Variants in ZFYVE28 observed in about 807,000 individuals in gnomAD.
The protein encoded by ZFYVE28 is zinc finger FYVE-type containing 28, also known as lateral signaling target protein 2 homolog.
In ZFYVE28, 40 loss-of-function variants were observed where a neutral mutation model predicts 82.1. The ratio of observed to expected loss-of-function variants is 0.49; its 90% CI spans 0.38 to 0.63. ZFYVE28 has a LOEUF of 0.63. Among genes scored for constraint, ZFYVE28 ranks in the 30% least tolerant of loss-of-function variants. ZFYVE28 has a pLI of 0.00. For synonymous variants in ZFYVE28, 612 were observed against 546.1 expected, an observed-to-expected ratio of 1.12 and a Z score of -1.68; for missense variants, 1,321 against 1,242.1, an observed-to-expected ratio of 1.06 and a Z score of -0.96.
Position 2,416,971 on chromosome 4 carries a change from C to A in ZFYVE28, c.39+1314G>T, listed in dbSNP as rs1166123916. 3.9e-5 allele frequency among the ~76,000 whole-genome samples: 6 copies of A among 152,378 alleles called. No homozygotes were observed. The highest frequency in any genetic ancestry group is 1.2e-4 in the African/African-American group (5 of 41,598). On this transcript the variant is annotated intron_variant, in intron 1 of 12. Transcript: ENST00000290974. This position sits in a 1 kb window ranked among gnomAD's most constrained non-coding sequence, Gnocchi z 4.6. ...TGAGCCCTCAAACCTCCGTGCCGAT[C>A]TTCCAAACCCACCTCCCGCCTTCCT... is the stretch of plus-strand genomic sequence containing the variant.
intron 7 of ZFYVE28, among the ~76,000 whole-genome samples, chr4:2,313,784 G>T (rs921794185): frequency 1.5e-4 from 22 of 151,338 alleles, no homozygotes; most frequent in Admixed American, 1.4e-3. Flanking sequence ...GCAATTCAGA[G>T]GTTGCAATGA....
chr4:2,292,400 G>C (rs1713864855), intron 8 of ZFYVE28, among the ~76,000 whole-genome samples: 1 of 152,198 alleles, frequency 6.6e-6, no homozygotes, highest in Admixed American at 6.5e-5. Context: ...GGGGCAGACA[G>C]GGACAGGAAT....
chr4:2,323,910 A>G (rs928689289), intron 6 of ZFYVE28, among the ~76,000 whole-genome samples: 3 of 152,042 alleles, frequency 2.0e-5, no homozygotes, highest in African/African-American at 7.2e-5. Context: ...TCCATGGTGT[A>G]TATGTGCCAC....
intron 1 of ZFYVE28, among the ~76,000 whole-genome samples, chr4:2,382,746 A>G (rs1728853734): frequency 1.3e-5 from 2 of 151,996 alleles, no homozygotes; most frequent in African/African-American, 4.8e-5. Flanking sequence ...ATTTTGGGGG[A>G]CTGTATTAGT....
intron 6 of ZFYVE28, among the ~76,000 whole-genome samples, chr4:2,324,054 T>C (rs1719505438): frequency 6.6e-6 from 1 of 152,152 alleles, no homozygotes; most frequent in Non-Finnish European, 1.5e-5. Flanking sequence ...ACAGGAAGAT[T>C]TACCCTCTGT....
chr4:2,274,075 G>A lies in ZFYVE28; in HGVS notation c.2193C>T (p.Phe731=), dbSNP rs781119386. 6.2e-6 allele frequency: 10 copies of A among 1,614,054 alleles called. No individual in the cohort carries two copies. The highest frequency in any genetic ancestry group is 1.7e-5 in the Admixed American group (1 of 60,020). The part of the protein sequence containing the change: ...HGSHDLIHRL[F]VCISGVADQL... ...CTGACATGACACCTGAAATGCAGAC[G>A]AACAGGCGGTGGATGAGGTCGTGGC... Residue 731 remains phenylalanine, a synonymous_variant, in exon 9 of 13, where the codon TTC becomes TTT. Transcript: ENST00000290974.
chr4:2,308,679 G>A (rs1461957491), intron 7 of ZFYVE28, among the ~76,000 whole-genome samples: 695 of 32,710 alleles, frequency 0.021, 9 homozygotes, highest in African/African-American at 0.092. Context: ...GAAAGAAAGA[G>A]AAAGAAAGAA....
rs530716891 is a variant in ZFYVE28, at chr4:2,339,166, T to C, written c.521+287A>G. ...CGTCTCTTCATCTTCCGAGGCATCA[T>C]GCATGTCTGGCCCCTCGGGCCTCTC... On this transcript the variant is annotated intron_variant, in intron 4 of 12. Coordinates refer to ENST00000290974, the MANE Select transcript of ZFYVE28 (RefSeq NM_020972.3). The surrounding 1 kb of genome is among the most constrained non-coding windows in gnomAD (Gnocchi z 5.0). Among the ~76,000 whole-genome samples, 7 of 152,316 alleles carry C rather than the reference T, an allele frequency of 4.6e-5. No individual in the cohort carries two copies. The East Asian group carries it at 1.4e-3, about 29-fold the overall frequency.
chr4:2,387,222 C>T (rs1428318056), intron 1 of ZFYVE28, among the ~76,000 whole-genome samples: 2 of 152,306 alleles, frequency 1.3e-5, no homozygotes, highest in East Asian at 1.9e-4. Flanking sequence ...ACTGGGAACC[C>T]GGAAGCACAG....
rs1466375011 is a variant in ZFYVE28, at chr4:2,300,833, C to T, written c.2051+3456G>A. On this transcript the variant is annotated intron_variant, in intron 8 of 12. Coordinates refer to ENST00000290974, the MANE Select transcript of ZFYVE28 (RefSeq NM_020972.3). The surrounding 1 kb of genome is among the most constrained non-coding windows in gnomAD (Gnocchi z 4.6). The stretch of plus-strand genomic sequence containing the variant: ...CACTGTTCCCTCTGAACCGTCCACG[C>T]CACAACCACAGGGGCTGCAGGGGCG... Among the ~76,000 whole-genome samples, 2 of 152,212 alleles carry T rather than the reference C, an allele frequency of 1.3e-5. No homozygotes were observed. The highest frequency in any genetic ancestry group is 2.9e-5 in the Non-Finnish European group (2 of 68,026).
chr4:2,276,972 A>G (rs1232086427), intron 8 of ZFYVE28, among the ~76,000 whole-genome samples: 2 of 152,146 alleles, frequency 1.3e-5, no homozygotes, highest in Non-Finnish European at 2.9e-5. Context: ...TGCTACATAT[A>G]TTTTACAAAA....
At chr4:2,273,408 A>C in intron 9 of ZFYVE28, 119 bp from the exon 10 acceptor site, 1 of 850,266 alleles carries the variant, frequency 1.2e-6, no homozygotes, top group Non-Finnish European at 1.8e-6. Flanking sequence ...GCGTGTTCTC[A>C]GATCAGTCAG....
intron 1 of ZFYVE28, among the ~76,000 whole-genome samples, chr4:2,357,782 A>C (rs1054002412): frequency 1.2e-4 from 19 of 152,198 alleles, no homozygotes; most frequent in African/African-American, 4.6e-4. Context: ...CCTGGAAGCT[A>C]AATCTCGGCT....
chr4:2,394,497 AG>A lies in ZFYVE28; in HGVS notation c.39+23787del. 6.6e-6 allele frequency among the ~76,000 whole-genome samples: 1 copy of A among 152,184 alleles called. No individual in the cohort carries two copies. Among genetic ancestry groups the A allele is most frequent in the Non-Finnish European group, 1.5e-5 (1 of 68,038 alleles). On this transcript the variant is annotated intron_variant, in intron 1 of 12. Coordinates refer to ENST00000290974, the MANE Select transcript of ZFYVE28 (RefSeq NM_020972.3). The surrounding 1 kb of genome is among the most constrained non-coding windows in gnomAD (Gnocchi z 4.0). ...CTTGAGTTACAGTTCCTGGACCCCT[AG>A]GCTGGCTGCGTTTCTCTTCACGGGG...
At chr4:2,336,161 C>T (rs568176187) in intron 5 of ZFYVE28, among the ~76,000 whole-genome samples, 7 of 152,298 alleles carry the variant, frequency 4.6e-5, no homozygotes, top group Admixed American at 6.5e-5. Flanking sequence ...GAAACAACTC[C>T]GGTGTCAAGA....
Position 2,305,143 on chromosome 4 carries a change from G to A in ZFYVE28, c.1197C>T (p.Arg399=), listed in dbSNP as rs201700352. 1.0e-4 allele frequency: 161 copies of A among 1,589,604 alleles called. No individual in the cohort carries two copies. Among genetic ancestry groups the A allele is most frequent in the East Asian group, 3.8e-4 (17 of 44,590 alleles). The change falls in exon 8 of 13, where the codon CGC becomes CGT. Residue 399 remains arginine (R), a synonymous_variant. Coordinates refer to ENST00000290974, the MANE Select transcript of ZFYVE28 (RefSeq NM_020972.3). ...CCTCCACGTCATCCATGAAGAACACGCGCTCCTCCTCGTCACTGCCTGACC... is the reference window on the plus strand; with the variant it reads ...CCTCCACGTCATCCATGAAGAACACACGCTCCTCCTCGTCACTGCCTGACC... ...RLRSGSDEEE[R]VFFMDDVEGT...
At chr4:2,351,307 G>C (rs1470294312) in intron 2 of ZFYVE28, among the ~76,000 whole-genome samples, 1 of 152,204 alleles carries the variant, frequency 6.6e-6, no homozygotes, top group Non-Finnish European at 1.5e-5. Flanking sequence ...TGAGAGTAGA[G>C]AGTAGAAAGT....
intron 1 of ZFYVE28, among the ~76,000 whole-genome samples, chr4:2,411,384 T>C (rs1201695838): frequency 6.6e-6 from 1 of 152,270 alleles, no homozygotes; most frequent in African/African-American, 2.4e-5. Flanking sequence ...AATGTTCTAT[T>C]CTACTTGTGC....
At chr4:2,302,778 A>G (rs1264720674) in intron 8 of ZFYVE28, among the ~76,000 whole-genome samples, 1 of 152,276 alleles carries the variant, frequency 6.6e-6, no homozygotes, top group Non-Finnish European at 1.5e-5. Flanking sequence ...TGATTCAGTC[A>G]TAAAAAGGAA....
Sources: gnomAD v4.1 joint callset for allele counts (sites outside exome capture counted in the v4.1 genomes callset) on GRCh38, gnomAD v4.1.1 for gene constraint, Gnocchi (gnomAD v3.1) non-coding constraint, MANE v1.5 for transcripts, NCBI Gene and HGNC (gene_info 2026-07-23, HGNC 2026-07-21) for gene names.